The following PDGFRL variants were observed in gnomAD, a reference collection of about 807,000 sequenced individuals.
PDGFRL encodes platelet derived growth factor receptor like.
Under a neutral mutation model 37.2 loss-of-function variants are expected in PDGFRL, and 46 were observed. The ratio of observed to expected loss-of-function variants is 1.24; its 90% confidence interval spans 0.98 to 1.58. The LOEUF (loss-of-function observed/expected upper bound fraction) is 1.58. Among genes scored for constraint, PDGFRL ranks in the 40% most tolerant of loss-of-function variants. The pLI is 0.00. For synonymous variants in PDGFRL, 251 were observed against 184.3 expected (o/e 1.36, Z -2.93); for missense variants, 692 against 467.6 (o/e 1.48, Z -4.43).
At chr8:17,624,649 A>G (rs1033055468) in intron 3 of PDGFRL, among the ~76,000 whole-genome samples, 2 of 152,284 alleles carry the variant, frequency 1.3e-5, no homozygotes, top group South Asian at 2.1e-4. Context: ...GCTCATGCCT[A>G]TAATCCCCTA....
intron 2 of PDGFRL, among the ~76,000 whole-genome samples, chr8:17,590,236 C>CAAAAAAAAAAAAAAAAAAAAAAAAAA (rs770779669): frequency 0.014 from 495 of 35,554 alleles, 78 homozygotes; most frequent in Non-Finnish European, 0.022. Flanking sequence ...GACTCCATCT[C>CAAAAAAAAAAAAAAAAAAAAAAAAAA]AAAAAAAAAA....
intron 2 of PDGFRL, among the ~76,000 whole-genome samples, chr8:17,596,551 A>G (rs1804056972): frequency 6.6e-6 from 1 of 152,236 alleles, no homozygotes; most frequent in Non-Finnish European, 1.5e-5. Flanking sequence ...GTATTTTCTA[A>G]GAGTATTTTC....
intron 5 of PDGFRL, among the ~76,000 whole-genome samples, chr8:17,634,954 C>A (rs1465812849): frequency 4.7e-5 from 7 of 149,594 alleles, no homozygotes; most frequent in Admixed American, 4.6e-4. Flanking sequence ...CACATATACC[C>A]CTGAACCTAA....
chr8:17,610,446 A>G (rs1331022941), intron 2 of PDGFRL, among the ~76,000 whole-genome samples: 7 of 152,200 alleles, frequency 4.6e-5, no homozygotes, highest in Non-Finnish European at 8.8e-5. Flanking sequence ...CAAATTAGGG[A>G]TGCTTAACTA....
intron 2 of PDGFRL, among the ~76,000 whole-genome samples, chr8:17,610,743 A>C (rs1451300197): frequency 6.6e-6 from 1 of 152,092 alleles, no homozygotes; most frequent in African/African-American, 2.4e-5. Context: ...AAACCCCGTC[A>C]CTACTAAACA....
chr8:17,613,389 G>C (rs1804460957), intron 2 of PDGFRL, among the ~76,000 whole-genome samples: 1 of 152,194 alleles, frequency 6.6e-6, no homozygotes, highest in Non-Finnish European at 1.5e-5. Context: ...GGGTCAAAAA[G>C]AATGATGACC....
At position 17,641,639 on chromosome 8, in the gene PDGFRL, C is replaced by A. The variant is rs73666201; in HGVS notation, c.940-974C>A. On this transcript the variant is annotated intron_variant, in intron 5 of 5. Coordinates refer to ENST00000251630, the MANE Select transcript of PDGFRL (RefSeq NM_001372073.1). ...AGACTTCTCATAAAAGCAATTGCAG[C>A]GTATTTAGCCCTTGTGCATGTTCTG... is the stretch of plus-strand genomic sequence containing the variant. Among the ~76,000 whole-genome samples the A allele has an allele frequency of 1.6e-4, 25 of 152,224 alleles. No individual in the cohort carries two copies. In the East Asian group the frequency reaches 4.5e-3, roughly 27 times the overall value.
chr8:17,589,673 G>A lies in PDGFRL; in HGVS notation c.261G>A (p.Leu87=). Residue 87 remains leucine (L), a synonymous_variant, in exon 2 of 6, where the codon CTG becomes CTA. Transcript: ENST00000251630. ...FQKPAATLSL[L]AGQTVELRCK... Reference sequence around the variant, plus strand: ...AACCCGCCGCTACCCTGAGTCTGCTGGCGGGGCAAACTGTAGAGCTTCGAT... The same window carrying A: ...AACCCGCCGCTACCCTGAGTCTGCTAGCGGGGCAAACTGTAGAGCTTCGAT... 1 of 1,613,544 alleles carries A rather than the reference G, an allele frequency of 6.2e-7. No homozygotes were observed. Among genetic ancestry groups the A allele is most frequent in the Non-Finnish European group, 8.5e-7 (1 of 1,179,474 alleles).
At chr8:17,602,442 G>A (rs1054578632) in intron 2 of PDGFRL, among the ~76,000 whole-genome samples, 1 of 152,288 alleles carries the variant, frequency 6.6e-6, no homozygotes, top group Admixed American at 6.5e-5. Context: ...TACACTCTCG[G>A]TCTGATGGAG....
At chr8:17,626,603 C>T (rs1026250536) in intron 3 of PDGFRL, among the ~76,000 whole-genome samples, 4 of 152,296 alleles carry the variant, frequency 2.6e-5, no homozygotes, top group East Asian at 1.9e-4. Flanking sequence ...ATTTCAGGAA[C>T]ACTGTGGGGA....
intron 2 of PDGFRL, among the ~76,000 whole-genome samples, chr8:17,600,319 C>G (rs961069665): frequency 6.6e-6 from 1 of 152,154 alleles, no homozygotes; most frequent in African/African-American, 2.4e-5. Context: ...GGTTTTCTCT[C>G]TGTCTCACAG....
intron 2 of PDGFRL, among the ~76,000 whole-genome samples, chr8:17,600,814 AC>A (rs1333001380): frequency 7.7e-4 from 106 of 138,298 alleles, no homozygotes; most frequent in African/African-American, 2.7e-3. Flanking sequence ...AAAAAAAAAA[AC>A]AAAAAAACCT....
intron 2 of PDGFRL, among the ~76,000 whole-genome samples, chr8:17,590,287 G>C (rs1235396577): frequency 7.6e-6 from 1 of 131,238 alleles, no homozygotes. Flanking sequence ...TGCTGAAAGA[G>C]TGAAATTTTA....
chr8:17,577,197 G>C, upstream of PDGFRL: 1 of 1,577,126 alleles, frequency 6.3e-7, no homozygotes, highest in Non-Finnish European at 8.6e-7. Context: ...CCTCCCCTGC[G>C]TCCCCGCCCC....
chr8:17,635,497 A>G (rs1204284998), intron 5 of PDGFRL, among the ~76,000 whole-genome samples: 1 of 152,212 alleles, frequency 6.6e-6, no homozygotes, highest in Non-Finnish European at 1.5e-5. Context: ...TCCATGGTAT[A>G]TATACTACAT....
chr8:17,610,029 C>G (rs1050364788), intron 2 of PDGFRL, among the ~76,000 whole-genome samples: 4 of 152,158 alleles, frequency 2.6e-5, no homozygotes, highest in African/African-American at 4.8e-5. Flanking sequence ...GCAAATGGGT[C>G]CAGGCCCCAT....
chr8:17,606,110 C>T (rs1455346150), intron 2 of PDGFRL, among the ~76,000 whole-genome samples: 1 of 152,144 alleles, frequency 6.6e-6, no homozygotes. Context: ...AGAATCCCAC[C>T]ATTGAGAAAG....
At chr8:17,621,488 A>G (rs1249519211) in intron 3 of PDGFRL, among the ~76,000 whole-genome samples, 1 of 152,000 alleles carries the variant, frequency 6.6e-6, no homozygotes, top group African/African-American at 2.4e-5. Context: ...AAGTGGTGGT[A>G]ACAGGATTTC....
chr8:17,592,946 ACACACT>A (rs1267814158), intron 2 of PDGFRL, among the ~76,000 whole-genome samples: 6 of 146,064 alleles, frequency 4.1e-5, no homozygotes, highest in Non-Finnish European at 6.0e-5. Flanking sequence ...ACACACACAC[ACACACT>A]ACTCTACACA....
Sources: gnomAD v4.1 joint callset for allele counts (sites outside exome capture counted in the v4.1 genomes callset) on GRCh38, gnomAD v4.1.1 for gene constraint, MANE v1.5 for transcripts, NCBI Gene and HGNC (gene_info 2026-07-23, HGNC 2026-07-21) for gene names.